Variants in TMEM132D observed in about 807,000 individuals in gnomAD.
TMEM132D encodes mature OL transmembrane protein.
Under a neutral mutation model 62.3 loss-of-function variants are expected in TMEM132D, and 21 were observed. The ratio of observed to expected loss-of-function variants is 0.34; its 90% confidence interval spans 0.24 to 0.49. The LOEUF (loss-of-function observed/expected upper bound fraction) is 0.49, where lower values mean the gene tolerates loss of function less well. TMEM132D is among the 20% of genes least tolerant of loss of function. The pLI is 0.99. For missense variants in TMEM132D, 1,346 were observed against 1,402.8 expected (o/e 0.96, Z 0.65); for synonymous variants, 621 against 575.6 (o/e 1.08, Z -1.13).
intron 1 of TMEM132D, among the ~76,000 whole-genome samples, chr12:129,784,074 T>C (rs1043275254): frequency 2.6e-5 from 4 of 152,230 alleles, no homozygotes; most frequent in African/African-American, 9.6e-5. Context: ...AATGATGTTA[T>C]GATTTTCAAG....
chr12:129,726,419 G>A (rs529043612), intron 1 of TMEM132D, among the ~76,000 whole-genome samples: 50 of 152,234 alleles, frequency 3.3e-4, no homozygotes, highest in Middle Eastern at 3.4e-3. Context: ...AACAGCAAGA[G>A]CAAAGGTCCT....
At chr12:129,153,020 C>G (rs74899892) in intron 5 of TMEM132D, among the ~76,000 whole-genome samples, 1,679 of 152,306 alleles carry the variant, frequency 0.011, 30 homozygotes, top group African/African-American at 0.038. Context: ...ACCACCTCCT[C>G]CCTTTGTCTT....
chr12:129,693,519 A>G (rs1321862369), intron 2 of TMEM132D, among the ~76,000 whole-genome samples: 1 of 152,162 alleles, frequency 6.6e-6, no homozygotes, highest in Admixed American at 6.5e-5. Flanking sequence ...GGAGAATGGG[A>G]AAAAAGTAAC....
intron 2 of TMEM132D, among the ~76,000 whole-genome samples, chr12:129,625,733 A>T (rs1879195793): frequency 6.6e-6 from 1 of 152,242 alleles, no homozygotes; most frequent in African/African-American, 2.4e-5. Flanking sequence ...CATTATTTAA[A>T]GGCAGGATTT....
intron 2 of TMEM132D, among the ~76,000 whole-genome samples, chr12:129,650,780 G>A (rs1879907916): frequency 6.6e-6 from 1 of 152,148 alleles, no homozygotes; most frequent in South Asian, 2.1e-4. Context: ...TTTGTGAACT[G>A]CCTGTTCATG....
In TMEM132D at chr12:129,700,251, G is replaced by A. The variant is rs769583722; in HGVS notation, c.527C>T (p.Thr176Ile). 1 of 1,613,198 alleles carries A rather than the reference G, an allele frequency of 6.2e-7. No homozygotes were observed. Among genetic ancestry groups the A allele is most frequent in the Non-Finnish European group, 8.5e-7 (1 of 1,179,950 alleles). The change falls in exon 2 of 9, where the codon ACC becomes ATC. Residue 176 changes from threonine (T) to isoleucine (I), a missense_variant. Physicochemically the swap from Thr to Ile is moderately conservative, Grantham distance 89 (BLOSUM62 -1). Transcript: ENST00000422113. ...PCLRVFAFRE[T>I]REVRGSCRLQ... ...CCGGCAGCTGCCCCGCACCTCTCGG[G>A]TCTCTCGGAAAGCAAAGACCCTCAG...
intron 1 of TMEM132D, among the ~76,000 whole-genome samples, chr12:129,773,567 C>T (rs1870825471): frequency 2.0e-5 from 3 of 152,134 alleles, no homozygotes; most frequent in Admixed American, 2.0e-4. Flanking sequence ...AGACAAGCTT[C>T]ACTTCTCCCG....
At chr12:129,711,589 T>G (rs1881645639) in intron 1 of TMEM132D, among the ~76,000 whole-genome samples, 2 of 151,806 alleles carry the variant, frequency 1.3e-5, no homozygotes. Flanking sequence ...TAGCCGGGCA[T>G]GGTGGCGCAG....
At chr12:129,842,671 G>C (rs910745279) in intron 1 of TMEM132D, among the ~76,000 whole-genome samples, 2 of 151,806 alleles carry the variant, frequency 1.3e-5, no homozygotes, top group African/African-American at 4.8e-5. Flanking sequence ...GTCTCACCAT[G>C]TTGCCCAGGC....
At chr12:129,823,758 T>C (rs1872593388) in intron 1 of TMEM132D, among the ~76,000 whole-genome samples, 1 of 152,250 alleles carries the variant, frequency 6.6e-6, no homozygotes, top group African/African-American at 2.4e-5. Context: ...ATGTCACATT[T>C]AACTTCTCCA....
chr12:129,166,266 T>C (rs1877543295), intron 5 of TMEM132D, among the ~76,000 whole-genome samples: 2 of 152,194 alleles, frequency 1.3e-5, no homozygotes, highest in Admixed American at 1.3e-4. Flanking sequence ...GCGGCTACAA[T>C]GGGGATGGGG....
chr12:129,306,394 T>C (rs1881846981), intron 4 of TMEM132D, among the ~76,000 whole-genome samples: 1 of 152,220 alleles, frequency 6.6e-6, no homozygotes, highest in African/African-American at 2.4e-5. Flanking sequence ...ATGCCTTCCA[T>C]AATTTACCCA....
At chr12:129,725,679 A>AGTG (rs1778263057) in intron 1 of TMEM132D, among the ~76,000 whole-genome samples, 1 of 152,230 alleles carries the variant, frequency 6.6e-6, no homozygotes, top group African/African-American at 2.4e-5. Context: ...CAATAGTAAG[A>AGTG]GTGGTAAGGA....
intron 2 of TMEM132D, among the ~76,000 whole-genome samples, chr12:129,564,217 A>C (rs1459115002): frequency 6.6e-6 from 1 of 152,218 alleles, no homozygotes; most frequent in African/African-American, 2.4e-5. Context: ...AATTAAGGGC[A>C]GCTCTGGTCT....
intron 1 of TMEM132D, among the ~76,000 whole-genome samples, chr12:129,864,608 C>T (rs2137371388): frequency 6.6e-6 from 1 of 152,292 alleles, no homozygotes; most frequent in African/African-American, 2.4e-5. Context: ...AGAAGGAAGC[C>T]ACTCCCGAGG....
chr12:129,845,454 C>T (rs994900817), intron 1 of TMEM132D, among the ~76,000 whole-genome samples: 3 of 152,172 alleles, frequency 2.0e-5, no homozygotes, highest in African/African-American at 7.2e-5. Context: ...AAATGAAACA[C>T]GTCTGAGACG....
At chr12:129,470,218 A>G (rs1370521595) in intron 3 of TMEM132D, among the ~76,000 whole-genome samples, 1 of 152,222 alleles carries the variant, frequency 6.6e-6, no homozygotes, top group Non-Finnish European at 1.5e-5. Context: ...ACATAAGATG[A>G]GCGCATTTGG....
intron 2 of TMEM132D, among the ~76,000 whole-genome samples, chr12:129,562,591 T>C (rs1877265810): frequency 6.6e-6 from 1 of 152,126 alleles, no homozygotes; most frequent in African/African-American, 2.4e-5. Context: ...TTACCAGCTC[T>C]TTCTCCTTGG....
intron 3 of TMEM132D, among the ~76,000 whole-genome samples, chr12:129,381,600 C>T (rs2135687451): frequency 6.6e-6 from 1 of 152,302 alleles, no homozygotes; most frequent in East Asian, 1.9e-4. Context: ...CATTCTGTGG[C>T]TTTGAAGTGG....
Sources: allele counts gnomAD v4.1 joint callset (sites outside exome capture counted in the v4.1 genomes callset), GRCh38; gene constraint gnomAD v4.1.1; transcripts MANE v1.5; gene names NCBI Gene and HGNC (gene_info 2026-07-23, HGNC 2026-07-21).